COL18A1: variants seen among roughly 807,000 people sequenced by gnomAD.
COL18A1 encodes collagen alpha-1(XVIII) chain.
COL18A1 carries 133 observed loss-of-function variants against 168.0 expected under a neutral mutation model. The observed-to-expected ratio is 0.79, with a 90% CI of 0.69 to 0.91. The LOEUF (loss-of-function observed/expected upper bound fraction) is 0.91. COL18A1 is among the 40% of genes least tolerant of loss of function. COL18A1 has a pLI of 0.00. For synonymous variants in COL18A1, 949 were observed against 809.0 expected (o/e 1.17, Z -2.94); for missense variants, 2,126 against 1,925.4 (o/e 1.10, Z -1.95).
rs1258389166 is a variant in COL18A1, at chr21:45,510,227, C to T, written c.3659C>T (p.Ala1220Val). The T allele has an allele frequency of 6.2e-7, 1 of 1,605,680 alleles. No homozygotes were observed. Among genetic ancestry groups the T allele is most frequent in the South Asian group, 1.1e-5 (1 of 89,856 alleles). Residue 1220 changes from alanine to valine, a missense_variant, in exon 40 of 42, where the codon GCC becomes GTC. Ala to Val is a moderately conservative substitution (Grantham distance 64). Transcript: ENST00000651438. ...LQDLYSIVRR[A>V]DRAAVPIVNL... is the part of the protein sequence containing the mutation. Reference sequence around the variant, plus strand: ...GACCTGTACAGCATCGTGCGCCGTGCCGACCGCGCAGCCGTGCCCATCGTC... The same window carrying T: ...GACCTGTACAGCATCGTGCGCCGTGTCGACCGCGCAGCCGTGCCCATCGTC...
In COL18A1 at chr21:45,443,585, G is replaced by A. The variant is rs1452955351; in HGVS notation, c.107-24657G>A. On this transcript the variant is annotated intron_variant, in intron 2 of 41. Transcript: ENST00000651438. The surrounding 1 kb of genome is among the most constrained non-coding windows in gnomAD (Gnocchi z 5.2). ...GAGGTCCCGGGGTGTGGACTGTGCT[G>A]AACTGTTCTCCGACAGGCGGCCCTT... Among the ~76,000 whole-genome samples the A allele has an allele frequency of 6.6e-6, 1 of 152,160 alleles. No individual in the cohort carries two copies. The highest frequency in any genetic ancestry group is 1.5e-5 in the Non-Finnish European group (1 of 68,002).
At chr21:45,504,303 A>G in intron 33 of COL18A1, 113 bp from the exon 34 acceptor site, 2 of 1,111,716 alleles carry the variant, frequency 1.8e-6, no homozygotes, top group South Asian at 1.5e-5. Context: ...AGCAGCTCCC[A>G]GGCCTGGGCT....
chr21:45,493,215 C>T lies in COL18A1; in HGVS notation c.2267C>T (p.Pro756Leu), dbSNP rs370673713. The T allele has an allele frequency of 3.0e-5, 47 of 1,559,684 alleles. No homozygotes were observed. In the Middle Eastern group the frequency reaches 3.7e-3, roughly 122 times the overall value. ...GGCTCTAAGGGCGAACGAGGCTCCC[C>T]GGGACCCAAGGTAAGGGGCTCAGGT... ...NLGSKGERGS[P>L]GPKGEKGEPG... Residue 756 changes from proline (P) to leucine (L), a missense_variant, in exon 25 of 42, where the codon CCG (proline) becomes CTG (leucine). By Grantham distance (98) the Pro-to-Leu change is moderately conservative (BLOSUM62 -3). Transcript: ENST00000651438.
intron 32 of COL18A1, among the ~76,000 whole-genome samples, chr21:45,503,604 G>A (rs530187006): frequency 1.4e-4 from 20 of 142,352 alleles, no homozygotes; most frequent in Middle Eastern, 7.4e-3. Context: ...CATGGACACA[G>A]GAAGGGGAAC....
In COL18A1 at chr21:45,492,581, C is replaced by T. The variant is rs2036389299; in HGVS notation, c.2187+17C>T. On this transcript the variant is annotated intron_variant, in intron 23 of 41. Coordinates refer to ENST00000651438, the MANE Select transcript of COL18A1 (RefSeq NM_001379500.1). ...GGACCTGAGGTATGTGCCTGCCCAG[C>T]TTCTAAGAGACGGGCCTGCGGGGAC... 1 of 1,612,944 alleles carries T rather than the reference C, an allele frequency of 6.2e-7. No individual in the cohort carries two copies. Among genetic ancestry groups the T allele is most frequent in the South Asian group, 1.1e-5 (1 of 91,092 alleles).
At chr21:45,458,538 G>A (rs982131143) in intron 2 of COL18A1, among the ~76,000 whole-genome samples, 1 of 152,176 alleles carries the variant, frequency 6.6e-6, no homozygotes, top group Non-Finnish European at 1.5e-5. Flanking sequence ...CAAATGCCCA[G>A]CAAGCACCAG....
chr21:45,427,983 CGGG>C (rs1204636367), intron 2 of COL18A1, among the ~76,000 whole-genome samples: 1 of 152,146 alleles, frequency 6.6e-6, no homozygotes, highest in Non-Finnish European at 1.5e-5. Context: ...CCTGCAGAGC[CGGG>C]AGGACACGAG....
chr21:45,505,787 G>GC (rs1413340744), intron 36 of COL18A1, 51 bp from the exon 37 acceptor site: 44 of 1,248,132 alleles, frequency 3.5e-5, no homozygotes, highest in Middle Eastern at 5.2e-4. Flanking sequence ...TTCCGCCCCT[G>GC]CCCCCCGCCC....
At chr21:45,492,144 C>G (rs1390183572) in intron 22 of COL18A1, among the ~76,000 whole-genome samples, 1 of 152,290 alleles carries the variant, frequency 6.6e-6, no homozygotes, top group South Asian at 2.1e-4. Flanking sequence ...TTGCTAGGAG[C>G]AGGCAGACAG....
At position 45,415,011 on chromosome 21, in the gene COL18A1, A is replaced by T. The variant is rs2033401841; in HGVS notation, c.106+9538A>T. 2.6e-5 allele frequency among the ~76,000 whole-genome samples: 4 copies of T among 152,220 alleles called. 1 individual carries two copies. The South Asian group carries it at 8.3e-4, about 32-fold the overall frequency. On this transcript the variant is annotated intron_variant, in intron 2 of 41. Coordinates refer to ENST00000651438, the MANE Select transcript of COL18A1 (RefSeq NM_001379500.1). ...AGACCAGGAAGTGGGTTCCCCCTGG[A>T]GCCTCCAGAGGACCCCTGCGGGCAC...
chr21:45,476,754 AGTGTGTG>A (rs895304874), intron 6 of COL18A1, among the ~76,000 whole-genome samples: 22 of 137,246 alleles, frequency 1.6e-4, no homozygotes, highest in Non-Finnish European at 3.2e-4. Context: ...GTGTGTGTGC[AGTGTGTG>A]GTGTGTGTAT....
intron 16 of COL18A1, among the ~76,000 whole-genome samples, 194 bp downstream of exon 16, chr21:45,487,186 G>C (rs1162352090): frequency 6.6e-6 from 1 of 152,224 alleles, no homozygotes; most frequent in African/African-American, 2.4e-5. Flanking sequence ...CCACGGTGCT[G>C]ATGGGGATCT....
chr21:45,493,293 G>A, intron 25 of COL18A1, 68 bp downstream of exon 25: 1 of 1,514,656 alleles, frequency 6.6e-7, no homozygotes, highest in East Asian at 2.5e-5. Context: ...CTGCCCAGAT[G>A]ACCACTGTTG....
chr21:45,415,228 G>A (rs2033407160), intron 2 of COL18A1, among the ~76,000 whole-genome samples: 1 of 152,200 alleles, frequency 6.6e-6, no homozygotes, highest in African/African-American at 2.4e-5. Context: ...AGGAAGTCTT[G>A]GATGTGTGCC....
Position 45,443,122 on chromosome 21 carries a change from G to A in COL18A1, c.107-25120G>A, listed in dbSNP as rs1359859828. On this transcript the variant is annotated intron_variant, in intron 2 of 41. Coordinates refer to ENST00000651438, the MANE Select transcript of COL18A1 (RefSeq NM_001379500.1). The surrounding 1 kb of genome is among the most constrained non-coding windows in gnomAD (Gnocchi z 5.2). ...GGCGGCGGTGCTGGTGTGGGCGGCG[G>A]TGCTGGTGTGGGCGGCGGTGCTGGT... Among the ~76,000 whole-genome samples, 9 of 100,400 alleles carry A rather than the reference G, an allele frequency of 9.0e-5. No individual in the cohort carries two copies. In the Admixed American group the frequency reaches 9.3e-4, roughly 10 times the overall value. 65.9% of individuals were successfully genotyped at this position (100,400 alleles called of 152,430 possible).
At chr21:45,472,728 G>C (rs375660886) in intron 3 of COL18A1, among the ~76,000 whole-genome samples, 1 of 152,190 alleles carries the variant, frequency 6.6e-6, no homozygotes, top group South Asian at 2.1e-4. Flanking sequence ...CCGCTGGTGC[G>C]CTCTGTGAGG....
chr21:45,467,400 G>A, intron 2 of COL18A1: 1 of 985,234 alleles, frequency 1.0e-6, no homozygotes, highest in Non-Finnish European at 1.2e-6. Context: ...GGGCTGGTGG[G>A]GAGACTGTGG....
chr21:45,494,151 A>C, intron 26 of COL18A1: 1 of 390,532 alleles, frequency 2.6e-6, no homozygotes. Flanking sequence ...GGCCTCAGAC[A>C]CAGGATCCCC....
chr21:45,510,340 C>T, intron 40 of COL18A1, 79 bp downstream of exon 40: 1 of 1,447,224 alleles, frequency 6.9e-7, no homozygotes. Flanking sequence ...CGGGGAGCTC[C>T]CCTCTAGGGC....
Sources: allele counts gnomAD v4.1 joint callset (sites outside exome capture counted in the v4.1 genomes callset), GRCh38; gene constraint gnomAD v4.1.1; non-coding constraint Gnocchi (gnomAD v3.1); transcripts MANE v1.5; gene names NCBI Gene and HGNC (gene_info 2026-07-23, HGNC 2026-07-21).